SLC24A3: variants seen among roughly 807,000 people sequenced by gnomAD.
SLC24A3 encodes the protein sodium/potassium/calcium exchanger 3.
In SLC24A3, 28 loss-of-function variants were observed where a neutral mutation model predicts 75.8. The ratio of observed to expected loss-of-function variants is 0.37; its 90% CI spans 0.27 to 0.51. The LOEUF (loss-of-function observed/expected upper bound fraction) is 0.51, where lower values mean the gene tolerates loss of function less well. Ranked by LOEUF, SLC24A3 falls within the 20% of genes least tolerant of loss-of-function variation. The pLI, the probability that SLC24A3 is intolerant of heterozygous loss-of-function variation, is 0.94. For missense variants in SLC24A3, 663 were observed against 847.8 expected, an observed-to-expected ratio of 0.78 and a Z score of 2.71; for synonymous variants, 372 against 334.1, an observed-to-expected ratio of 1.11 and a Z score of -1.24.
intron 2 of SLC24A3, among the ~76,000 whole-genome samples, chr20:19,410,877 A>T (rs2122419898): frequency 6.6e-6 from 1 of 152,372 alleles, no homozygotes; most frequent in South Asian, 2.1e-4. Flanking sequence ...AAACTGGTTC[A>T]CAACAATTTG....
intron 1 of SLC24A3, among the ~76,000 whole-genome samples, chr20:19,224,568 A>T (rs955457362): frequency 2.6e-5 from 4 of 152,186 alleles, no homozygotes; most frequent in African/African-American, 9.7e-5. Flanking sequence ...TGTCATTTGC[A>T]CAATATTTCT....
Position 19,529,743 on chromosome 20 carries a change from G to T in SLC24A3, c.348+14179G>T, listed in dbSNP as rs111544159. 7.6e-3 allele frequency among the ~76,000 whole-genome samples: 1,156 copies of T among 152,240 alleles called. 6 individuals are homozygous for T. Among genetic ancestry groups the T allele is most frequent in the Middle Eastern group, 0.027 (8 of 294 alleles). ...CTCATCCCATCCTAGGTACCTGGCT[G>T]GGTACAGCCCCTTTCTTTGATACCA... On this transcript the variant is annotated intron_variant, in intron 3 of 16. Coordinates refer to ENST00000328041, the MANE Select transcript of SLC24A3 (RefSeq NM_020689.4).
chr20:19,561,290 C>T (rs6035376), intron 3 of SLC24A3, among the ~76,000 whole-genome samples: 134,091 of 152,216 alleles, frequency 0.88, 59,247 homozygotes, highest in Middle Eastern at 0.95. Context: ...AGACACCATC[C>T]GCTTTTCAGT....
chr20:19,524,897 C>T (rs888968810), intron 3 of SLC24A3, among the ~76,000 whole-genome samples: 3 of 152,126 alleles, frequency 2.0e-5, no homozygotes, highest in Non-Finnish European at 4.4e-5. Context: ...CTAGTCTTAG[C>T]AAATATTCAG....
rs963332043 is a variant in SLC24A3 at position 19,583,940 on chromosome 20, T to C, written c.424-1031T>C. Reference sequence around the variant, plus strand: ...CAGTTAGGGCTTCTCCTGCAGACTATTGTGGGTCACTCAATGGAGGCCAGT... The same window carrying C: ...CAGTTAGGGCTTCTCCTGCAGACTACTGTGGGTCACTCAATGGAGGCCAGT... On this transcript the variant is annotated intron_variant, in intron 4 of 16. Coordinates refer to ENST00000328041, the MANE Select transcript of SLC24A3 (RefSeq NM_020689.4). Among the ~76,000 whole-genome samples, 9 of 152,288 alleles carry C rather than the reference T, an allele frequency of 5.9e-5. No individual in the cohort carries two copies. In the East Asian group the frequency reaches 1.5e-3, roughly 26 times the overall value.
chr20:19,663,443 ATCCTCCTCCACTTCCTCCTCCT>A (rs752940776), intron 7 of SLC24A3, among the ~76,000 whole-genome samples: 1 of 13,728 alleles, frequency 7.3e-5, no homozygotes, highest in Non-Finnish European at 1.1e-4. Context: ...CCGCCTTCTC[ATCCTCCTCCACTTCCTCCTCCT>A]CCTCCTCCTC....
intron 15 of SLC24A3, among the ~76,000 whole-genome samples, chr20:19,701,025 T>C (rs372925270): frequency 6.6e-6 from 1 of 152,220 alleles, no homozygotes; most frequent in African/African-American, 2.4e-5. Flanking sequence ...ATTTTTTACA[T>C]GGTTATTTGT....
intron 2 of SLC24A3, among the ~76,000 whole-genome samples, chr20:19,442,271 G>C (rs993005636): frequency 6.6e-6 from 1 of 152,154 alleles, no homozygotes; most frequent in African/African-American, 2.4e-5. Context: ...GCCTAGTTTT[G>C]TAATAATCTG....
At chr20:19,529,469 C>A (rs536763068) in intron 3 of SLC24A3, among the ~76,000 whole-genome samples, 2 of 152,216 alleles carry the variant, frequency 1.3e-5, no homozygotes, top group Non-Finnish European at 2.9e-5. Context: ...CACTTTCAAC[C>A]TGGGTCTCCA....
chr20:19,394,922 T>C, intron 2 of SLC24A3, among the ~76,000 whole-genome samples: 1 of 152,216 alleles, frequency 6.6e-6, no homozygotes, highest in Non-Finnish European at 1.5e-5. Context: ...TACCCACATG[T>C]TCACAGCAGC....
intron 2 of SLC24A3, among the ~76,000 whole-genome samples, chr20:19,469,379 G>A (rs1008213): frequency 6.6e-6 from 1 of 152,136 alleles, no homozygotes; most frequent in African/African-American, 2.4e-5. Flanking sequence ...TCACCTTTTA[G>A]GCTTGGAGAC....
chr20:19,334,996 T>C (rs971766504), intron 2 of SLC24A3, among the ~76,000 whole-genome samples: 2 of 152,198 alleles, frequency 1.3e-5, no homozygotes, highest in African/African-American at 4.8e-5. Context: ...ACCTGGTACT[T>C]TAGTCTGAAT....
intron 7 of SLC24A3, 95 bp downstream of exon 7, chr20:19,654,231 C>T (rs1200585505): frequency 8.7e-5 from 99 of 1,134,102 alleles, no homozygotes; most frequent in Non-Finnish European, 1.2e-4. Context: ...TCGAGGTCAC[C>T]GGTGGCGAGT....
intron 1 of SLC24A3, among the ~76,000 whole-genome samples, chr20:19,271,342 A>T (rs1450343836): frequency 6.6e-6 from 1 of 151,806 alleles, no homozygotes; most frequent in Non-Finnish European, 1.5e-5. Context: ...AAAAAAAAAG[A>T]TGTTGGTGTG....
chr20:19,462,945 G>T (rs777358621), intron 2 of SLC24A3, among the ~76,000 whole-genome samples: 5 of 152,160 alleles, frequency 3.3e-5, no homozygotes, highest in African/African-American at 1.2e-4. Flanking sequence ...TTGAGATTCT[G>T]TTTCTAAGTG....
At chr20:19,475,104 C>G (rs1224559791) in intron 2 of SLC24A3, among the ~76,000 whole-genome samples, 1 of 152,060 alleles carries the variant, frequency 6.6e-6, no homozygotes, top group Non-Finnish European at 1.5e-5. Context: ...TTTCGGAGGC[C>G]GAGGTGGGAG....
chr20:19,493,139 C>T (rs1568633715), intron 2 of SLC24A3, among the ~76,000 whole-genome samples: 1 of 152,196 alleles, frequency 6.6e-6, no homozygotes, highest in African/African-American at 2.4e-5. Context: ...CAGTGCAAGC[C>T]GACCAGGTGA....
chr20:19,275,138 G>T (rs950534944), intron 1 of SLC24A3, among the ~76,000 whole-genome samples: 17 of 152,200 alleles, frequency 1.1e-4, no homozygotes, highest in African/African-American at 3.4e-4. Flanking sequence ...CCAGTTCACA[G>T]GGAGGGGAGA....
intron 3 of SLC24A3, among the ~76,000 whole-genome samples, chr20:19,570,370 G>A (rs1046856751): frequency 6.6e-6 from 1 of 152,096 alleles, no homozygotes; most frequent in African/African-American, 2.4e-5. Context: ...GGGACACAGA[G>A]CCAAACCATA....
Sources: allele counts gnomAD v4.1 joint callset (sites outside exome capture counted in the v4.1 genomes callset), GRCh38; gene constraint gnomAD v4.1.1; transcripts MANE v1.5; gene names NCBI Gene and HGNC (gene_info 2026-07-23, HGNC 2026-07-21).